Variants in EPB41L4A observed in about 807,000 individuals in gnomAD.
EPB41L4A encodes the protein band 4.1-like protein 4A.
EPB41L4A carries 100 observed loss-of-function variants against 108.6 expected under a neutral mutation model. The observed-to-expected ratio is 0.92, with a 90% CI of 0.78 to 1.09. The LOEUF is 1.09. Among genes scored for constraint, EPB41L4A ranks in the 50% least tolerant of loss-of-function variants. EPB41L4A has a pLI of 0.00. For missense variants in EPB41L4A, 1,030 were observed against 842.7 expected, an observed-to-expected ratio of 1.22 and a Z score of -2.75; for synonymous variants, 319 against 289.0, an observed-to-expected ratio of 1.10 and a Z score of -1.05.
intron 18 of EPB41L4A, among the ~76,000 whole-genome samples, chr5:112,179,540 T>C (rs1761041717): frequency 6.6e-6 from 1 of 152,144 alleles, no homozygotes; most frequent in African/African-American, 2.4e-5. Context: ...TTGAATCCAT[T>C]TAATTCCTCC....
chr5:112,202,720 G>A (rs1348715421), intron 15 of EPB41L4A, among the ~76,000 whole-genome samples: 1 of 151,950 alleles, frequency 6.6e-6, no homozygotes, highest in African/African-American at 2.4e-5. Flanking sequence ...GTTGAACTTG[G>A]TTTCAGAAAG....
chr5:112,284,061 T>C (rs1270200399), intron 2 of EPB41L4A, among the ~76,000 whole-genome samples: 1 of 152,232 alleles, frequency 6.6e-6, no homozygotes, highest in African/African-American at 2.4e-5. Flanking sequence ...ACACAGAATG[T>C]AATACTCTAA....
chr5:112,234,461 G>A (rs767460604), intron 12 of EPB41L4A, among the ~76,000 whole-genome samples, 173 bp downstream of exon 12: 1 of 151,996 alleles, frequency 6.6e-6, no homozygotes, highest in Non-Finnish European at 1.5e-5. Context: ...TAAAATTACT[G>A]TCTGCTTGAA....
chr5:112,156,549 G>A (rs960824123), intron 12 of EPB41L4A, among the ~76,000 whole-genome samples: 1 of 152,156 alleles, frequency 6.6e-6, no homozygotes, highest in African/African-American at 2.4e-5. Flanking sequence ...CACCCACATT[G>A]AGGAAGTACA....
chr5:112,316,195 G>T (rs1424486977), intron 1 of EPB41L4A, among the ~76,000 whole-genome samples: 1 of 152,168 alleles, frequency 6.6e-6, no homozygotes, highest in Admixed American at 6.5e-5. Context: ...AGATTAACAT[G>T]ACATTACAAA....
chr5:112,217,115 T>C (rs1468682104), intron 12 of EPB41L4A, among the ~76,000 whole-genome samples: 1 of 151,998 alleles, frequency 6.6e-6, no homozygotes, highest in Non-Finnish European at 1.5e-5. Flanking sequence ...CAGCTAATTT[T>C]TGTATTTTAG....
chr5:112,144,644 T>G (rs1023453441), intron 13 of EPB41L4A, among the ~76,000 whole-genome samples: 1 of 152,176 alleles, frequency 6.6e-6, no homozygotes, highest in Non-Finnish European at 1.5e-5. Flanking sequence ...TCCTCAAAGA[T>G]GATATCTTTT....
chr5:112,298,546 T>G (rs1243540919), intron 2 of EPB41L4A, among the ~76,000 whole-genome samples: 1 of 152,362 alleles, frequency 6.6e-6, no homozygotes, highest in Non-Finnish European at 1.5e-5. Flanking sequence ...CACTTGATTA[T>G]GGCGGATTAT....
chr5:112,194,581 T>G lies in EPB41L4A; in HGVS notation c.1489A>C (p.Lys497Gln), dbSNP rs1400178009. ...ESENSNREYR[K>Q]KRNRIRQEND... ...TTGAGATATTACCTGTTTCTCTTTT[T>G]CCGGTATTCTCTATTAGAATTTTCT... Residue 497 changes from lysine to glutamine, a missense_variant, in exon 17 of 23, where the codon AAA becomes CAA. By Grantham distance (53) the Lys-to-Gln change is moderately conservative (BLOSUM62 1). Transcript: ENST00000261486. The G allele has an allele frequency of 4.4e-6, 7 of 1,593,298 alleles. No individual in the cohort carries two copies. The highest frequency in any genetic ancestry group is 6.0e-6 in the Non-Finnish European group (7 of 1,164,806).
In EPB41L4A at chr5:112,262,643, C is replaced by T. The variant is rs981268690; in HGVS notation, c.555-62G>A. On this transcript the variant is annotated intron_variant, in intron 6 of 22. Coordinates refer to ENST00000261486, the MANE Select transcript of EPB41L4A (RefSeq NM_022140.5). The stretch of plus-strand genomic sequence containing the variant: ...AGCAGCTACTGCACTTACAGGGATG[C>T]AAACTATCTTCATTGTATTCAATGG... The T allele has an allele frequency of 7.9e-6, 10 of 1,268,296 alleles. No homozygotes were observed. In the Admixed American group the frequency reaches 1.5e-4, roughly 19 times the overall value. 78.6% of individuals were successfully genotyped at this position (1,268,296 alleles called of 1,614,324 possible). A position where few individuals can be genotyped will look rare whatever the true frequency, so the allele number is the denominator to read the frequency against.
chr5:112,311,625 AATTTTTCTTATC>A (rs1755057829), intron 1 of EPB41L4A, among the ~76,000 whole-genome samples: 1 of 152,058 alleles, frequency 6.6e-6, no homozygotes, highest in African/African-American at 2.4e-5. Context: ...GCCTTTCAGG[AATTTTTCTTATC>A]ATTTCTGGTC....
At chr5:112,231,388 T>A (rs1748911219) in intron 12 of EPB41L4A, among the ~76,000 whole-genome samples, 1 of 152,204 alleles carries the variant, frequency 6.6e-6, no homozygotes, top group Non-Finnish European at 1.5e-5. Context: ...AATATAAAAG[T>A]TTTTTTCTTT....
chr5:112,188,090 A>G (rs1761515101), intron 17 of EPB41L4A, among the ~76,000 whole-genome samples: 1 of 152,230 alleles, frequency 6.6e-6, no homozygotes, highest in South Asian at 2.1e-4. Flanking sequence ...ATAGCATAAC[A>G]TTCCAGACAA....
chr5:112,335,446 A>G (rs1376056675), intron 1 of EPB41L4A, among the ~76,000 whole-genome samples: 2 of 152,232 alleles, frequency 1.3e-5, no homozygotes, highest in Admixed American at 6.5e-5. Flanking sequence ...GAGATACAGA[A>G]TATGAGAAAA....
chr5:112,415,735 A>G (rs1762674653), intron 1 of EPB41L4A, among the ~76,000 whole-genome samples: 1 of 152,188 alleles, frequency 6.6e-6, no homozygotes, highest in African/African-American at 2.4e-5. Context: ...TTACTTGAAT[A>G]AACAACAGAT....
intron 1 of EPB41L4A, among the ~76,000 whole-genome samples, chr5:112,351,390 C>A (rs1480261522): frequency 6.6e-6 from 1 of 152,134 alleles, no homozygotes; most frequent in African/African-American, 2.4e-5. Flanking sequence ...AATTCCTGGA[C>A]ACGTACAACC....
intron 9 of EPB41L4A, among the ~76,000 whole-genome samples, chr5:112,252,330 G>A (rs148855646): frequency 1.9e-3 from 287 of 152,142 alleles, no homozygotes; most frequent in Non-Finnish European, 3.3e-3. Flanking sequence ...AATCAAAGTC[G>A]CCCTAGTAGC....
chr5:112,302,130 A>C (rs1392823591), intron 2 of EPB41L4A, among the ~76,000 whole-genome samples: 1 of 152,200 alleles, frequency 6.6e-6, no homozygotes, highest in Non-Finnish European at 1.5e-5. Context: ...AGTATTTATG[A>C]TAAACCAAAG....
chr5:112,351,898 A>G (rs1211063123), intron 1 of EPB41L4A, among the ~76,000 whole-genome samples: 1 of 152,246 alleles, frequency 6.6e-6, no homozygotes, highest in Non-Finnish European at 1.5e-5. Flanking sequence ...GAAAAGAACC[A>G]TAAGATCATC....
Sources: allele counts gnomAD v4.1 joint callset (sites outside exome capture counted in the v4.1 genomes callset), GRCh38; gene constraint gnomAD v4.1.1; transcripts MANE v1.5; gene names NCBI Gene and HGNC (gene_info 2026-07-23, HGNC 2026-07-21).